MAP3K6: variants seen among roughly 807,000 people sequenced by gnomAD.
The protein encoded by MAP3K6 is mitogen-activated protein kinase kinase kinase 6.
MAP3K6 carries 105 observed loss-of-function variants against 147.1 expected under a neutral mutation model. The ratio of observed to expected loss-of-function variants is 0.71; its 90% CI spans 0.61 to 0.84. MAP3K6 has a LOEUF of 0.84. Ranked by LOEUF, MAP3K6 falls within the 40% of genes least tolerant of loss-of-function variation. The pLI is 0.00. For synonymous variants in MAP3K6, 695 were observed against 732.4 expected (o/e 0.95, Z 0.82); for missense variants, 1,569 against 1,715.0 (o/e 0.91, Z 1.50).
rs2015588819 is a variant in MAP3K6 at position 27,357,809 on chromosome 1, G to T, written c.2983C>A (p.His995Asn). ...PEESSGLSLL[H>N]QESKRRAMLA... Reference sequence around the variant, plus strand: ...ATGGCCCGACGCTTGCTCTCCTGGTGCAGCAGGCTCAGCCCCGAACTCTCC... The same window carrying T: ...ATGGCCCGACGCTTGCTCTCCTGGTTCAGCAGGCTCAGCCCCGAACTCTCC... Residue 995 changes from histidine to asparagine, a missense_variant, in exon 22 of 29, where the codon CAC (histidine) becomes AAC (asparagine). His to Asn is a moderately conservative substitution (Grantham distance 68, BLOSUM62 1). Transcript: ENST00000357582. 1.2e-6 allele frequency: 2 copies of T among 1,606,040 alleles called. No homozygotes were observed.
chr1:27,360,972 C>T lies in MAP3K6; in HGVS notation c.1869G>A (p.Pro623=), dbSNP rs773455044. The T allele has an allele frequency of 1.0e-5, 16 of 1,607,214 alleles. No homozygotes were observed. Among genetic ancestry groups the T allele is most frequent in the East Asian group, 9.0e-5 (4 of 44,682 alleles). Residue 623 remains proline, a synonymous_variant, in exon 14 of 29, where the codon CCG becomes CCA. Transcript: ENST00000357582. This position sits in a 1 kb window ranked among gnomAD's most constrained non-coding sequence, Gnocchi z 4.5. ...CCTCCTCCGCGGGCGCCGTGGAATC[C>T]GGGTTCGTCACCCAGGCCTGGATCA... ...CGLIQAWVTN[P]DSTAPAEEAE...
chr1:27,358,280 G>T lies in MAP3K6; in HGVS notation c.2816C>A (p.Thr939Asn), dbSNP rs1267158095. The change falls in exon 21 of 29, where the codon ACC becomes AAC. Residue 939 changes from threonine to asparagine, a missense_variant. Coordinates refer to ENST00000357582, the MANE Select transcript of MAP3K6 (RefSeq NM_004672.5). This position sits in a 1 kb window ranked among gnomAD's most constrained non-coding sequence, Gnocchi z 6.2. ...GCACGGGAATGTCTGAGACTGGGTG[G>T]TTGAGTTGGCTGAAGGAGTGGGACT... is the stretch of plus-strand genomic sequence containing the variant. ...SASPTPSANS[T>N]TQSQTFPCPQ... 1 of 1,607,712 alleles carries T rather than the reference G, an allele frequency of 6.2e-7. No homozygotes were observed. The highest frequency in any genetic ancestry group is 8.5e-7 in the Non-Finnish European group (1 of 1,178,402).
chr1:27,358,202 T>A lies in MAP3K6; in HGVS notation c.2894A>T (p.Tyr965Phe), dbSNP rs369121933. Residue 965 changes from tyrosine (Y) to phenylalanine (F), a missense_variant, in exon 21 of 29, where the codon TAT becomes TTT. By Grantham distance (22) the Tyr-to-Phe change is conservative. Transcript: ENST00000357582. The surrounding 1 kb of genome is among the most constrained non-coding windows in gnomAD (Gnocchi z 6.2). Reference sequence around the variant, plus strand: ...TCACCGGAGCTGGCTGGTGCCCCCATAACTGAGGCAGCGCTTCGGGGGGCT... The same window carrying A: ...TCACCGGAGCTGGCTGGTGCCCCCAAAACTGAGGCAGCGCTTCGGGGGGCT... ...PPSPPKRCLS[Y>F]GGTSQLRVPE... 1 of 1,593,266 alleles carries A rather than the reference T, an allele frequency of 6.3e-7. No homozygotes were observed. The highest frequency in any genetic ancestry group is 8.5e-7 in the Non-Finnish European group (1 of 1,174,170).
rs754013001 is a variant in MAP3K6 at position 27,362,642 on chromosome 1, T to C, written c.1254A>G (p.Ile418Met). 1.3e-6 allele frequency: 2 copies of C among 1,578,572 alleles called. No homozygotes were observed. Among genetic ancestry groups the C allele is most frequent in the Non-Finnish European group, 1.7e-6 (2 of 1,160,242 alleles). The stretch of plus-strand genomic sequence containing the variant: ...ACAAGAGCCAGGATCTGTGCTCACC[T>C]ATTAGCCGGAGCTCTTTGGAATCCT... ...HFEDSKELRL[I>M]GMKLGCLLAR... Residue 418 changes from isoleucine to methionine, a missense_variant and splice_region_variant, in exon 8 of 29, where the codon ATA becomes ATG. Coordinates refer to ENST00000357582, the MANE Select transcript of MAP3K6 (RefSeq NM_004672.5).
At chr1:27,357,602 G>A in intron 22 of MAP3K6, 26 bp from the exon 23 acceptor site, 1 of 1,598,230 alleles carries the variant, frequency 6.3e-7, no homozygotes, top group South Asian at 1.1e-5. Flanking sequence ...GGGGTTGTCA[G>A]CGAGTGCTCC....
Position 27,362,243 on chromosome 1 carries a change from C to A in MAP3K6, c.1263G>T (p.Lys421Asn). The stretch of plus-strand genomic sequence containing the variant: ...CTTTGCGGGCCAGCAGGCAGCCCAG[C>A]TTCATGCCTGGGGGAGAGAGGCATG... ...DSKELRLIGMKLGCLLARKGC... is the reference protein window; with the variant it reads ...DSKELRLIGMNLGCLLARKGC... The change falls in exon 9 of 29, where the codon AAG becomes AAT. Residue 421 changes from lysine to asparagine, a missense_variant. By Grantham distance (94) the Lys-to-Asn change is moderately conservative. Coordinates refer to ENST00000357582, the MANE Select transcript of MAP3K6 (RefSeq NM_004672.5). 1 of 1,610,148 alleles carries A rather than the reference C, an allele frequency of 6.2e-7. No individual in the cohort carries two copies. Among genetic ancestry groups the A allele is most frequent in the Non-Finnish European group, 8.5e-7 (1 of 1,178,112 alleles).
chr1:27,364,561 G>T lies in MAP3K6; in HGVS notation c.504+100C>A, dbSNP rs1024115187. On this transcript the variant is annotated intron_variant, in intron 3 of 28. Transcript: ENST00000357582. This position sits in a 1 kb window ranked among gnomAD's most constrained non-coding sequence, Gnocchi z 4.4. The stretch of plus-strand genomic sequence containing the variant: ...ACAGAGGAATACTTGGGATGTCAGT[G>T]GGGGGTTAGGTGACTGAGGAGGCCA... 10 of 1,572,262 alleles carry T rather than the reference G, an allele frequency of 6.4e-6. No homozygotes were observed. Among genetic ancestry groups the T allele is most frequent in the South Asian group, 3.3e-5 (3 of 90,096 alleles).
rs1354943432 is a variant in MAP3K6, at chr1:27,360,894, C to T, written c.1920+27G>A. 3 of 1,608,086 alleles carry T rather than the reference C, an allele frequency of 1.9e-6. No individual in the cohort carries two copies. Among genetic ancestry groups the T allele is most frequent in the Non-Finnish European group, 2.5e-6 (3 of 1,176,776 alleles). On this transcript the variant is annotated intron_variant, in intron 14 of 28. Transcript: ENST00000357582. The surrounding 1 kb of genome is among the most constrained non-coding windows in gnomAD (Gnocchi z 4.5). Reference sequence around the variant, plus strand: ...GCAGGGCCCGCGGCCCCTCGCCCTCCGCGAGCTCCCAGTCCCGCGTCCTCA... The same window carrying T: ...GCAGGGCCCGCGGCCCCTCGCCCTCTGCGAGCTCCCAGTCCCGCGTCCTCA...
chr1:27,357,852 C>A lies in MAP3K6; in HGVS notation c.2940G>T (p.Glu980Asp). The change falls in exon 22 of 29, where the codon GAG becomes GAT. Residue 980 changes from glutamate (E) to aspartate (D), a missense_variant. Transcript: ENST00000357582. ...QLRVPEEPAA[E>D]EPASPEESSG... ...AACTCTCCTCCGGAGACGCAGGCTCCTCGGCCGCAGGCTCCTCGGGCACCC... is the reference window on the plus strand; with the variant it reads ...AACTCTCCTCCGGAGACGCAGGCTCATCGGCCGCAGGCTCCTCGGGCACCC... The A allele has an allele frequency of 6.3e-7, 1 of 1,595,882 alleles. No individual in the cohort carries two copies. The highest frequency in any genetic ancestry group is 8.5e-7 in the Non-Finnish European group (1 of 1,175,164).
rs753509136 is a variant in MAP3K6 at position 27,364,661 on chromosome 1, C to T, written c.504G>A (p.Ser168=). The T allele has an allele frequency of 2.0e-5, 32 of 1,613,984 alleles. No homozygotes were observed. The highest frequency in any genetic ancestry group is 5.5e-5 in the South Asian group (5 of 91,080). ...ALREDVFQKN[S]DCVGSYTLIP... is the part of the protein sequence containing the mutation. Reference sequence around the variant, plus strand: ...TGAGTGAGAGGTGGATTCTGCTCACCGAGTTCTTCTGGAAAACATCCTCCT... The same window carrying T: ...TGAGTGAGAGGTGGATTCTGCTCACTGAGTTCTTCTGGAAAACATCCTCCT... The change falls in exon 3 of 29, where the codon TCG becomes TCA. Residue 168 remains serine, a splice_region_variant and synonymous_variant. Transcript: ENST00000357582. The surrounding 1 kb of genome is among the most constrained non-coding windows in gnomAD (Gnocchi z 4.4).
At chr1:27,363,129 G>T in intron 6 of MAP3K6, 108 bp from the exon 7 acceptor site, 1 of 1,006,178 alleles carries the variant, frequency 9.9e-7, no homozygotes. Flanking sequence ...TGACAATAAT[G>T]ACCTCAAAAT....
In MAP3K6 at chr1:27,366,082, C is replaced by CTA. The variant is rs2148062967; in HGVS notation, c.340+175_340+176insTA. On this transcript the variant is annotated intron_variant, in intron 1 of 28. Transcript: ENST00000357582. The surrounding 1 kb of genome is among the most constrained non-coding windows in gnomAD (Gnocchi z 5.5). ...TCCCGAGCCCGGCCGCGCCCCAGAT[C>CTA]CCCTAAATCCCACTTTTTTCACGGC... Among the ~76,000 whole-genome samples, 2 of 152,218 alleles carry CTA rather than the reference C, an allele frequency of 1.3e-5. No individual in the cohort carries two copies. The highest frequency in any genetic ancestry group is 4.2e-4 in the South Asian group (2 of 4,816).
In MAP3K6 at chr1:27,362,142, G is replaced by A. The variant is rs1138294; in HGVS notation, c.1364C>T (p.Thr455Ile). 568,714 of 1,613,278 alleles carry A rather than the reference G, an allele frequency of 0.35. 104,565 individuals are homozygous for A. The highest frequency in any genetic ancestry group is 0.5 in the East Asian group (22,426 of 44,870). Residue 455 changes from threonine to isoleucine, a missense_variant, in exon 9 of 29, where the codon ACC (threonine) becomes ATC (isoleucine). Coordinates refer to ENST00000357582, the MANE Select transcript of MAP3K6 (RefSeq NM_004672.5). The part of the protein sequence containing the change: ...LGAQILANDP[T>I]QVVLAAEQLY... ...CTGCTCTGCAGCCAGCACCACCTGG[G>A]TGGGGTCATTGGCGAGGATCTGGGC... is the stretch of plus-strand genomic sequence containing the variant.
chr1:27,358,659 C>T lies in MAP3K6; in HGVS notation c.2584-48G>A, dbSNP rs747917541. The T allele has an allele frequency of 1.9e-6, 3 of 1,613,554 alleles. No homozygotes were observed. In the East Asian group the frequency reaches 6.7e-5, roughly 36 times the overall value. On this transcript the variant is annotated intron_variant, in intron 19 of 28. Coordinates refer to ENST00000357582, the MANE Select transcript of MAP3K6 (RefSeq NM_004672.5). The surrounding 1 kb of genome is among the most constrained non-coding windows in gnomAD (Gnocchi z 6.2). The stretch of plus-strand genomic sequence containing the variant: ...GGTGACATTCAGAGGTGTCCAAGGC[C>T]CAGGCTGGCCCTATGCCACTTCCAT...
chr1:27,356,440 T>C lies in MAP3K6; in HGVS notation c.3585A>G (p.Leu1195=). 1.9e-6 allele frequency: 3 copies of C among 1,613,836 alleles called. No individual in the cohort carries two copies. The highest frequency in any genetic ancestry group is 2.5e-6 in the Non-Finnish European group (3 of 1,179,968). ...REYQALVQRA[L]QRLNEEARTY... ...TCCGGGCTTCCTCATTCAGCCGCTG[T>C]AGAGCCCGCTGCACCAGGGCCTGGT... Residue 1195 remains leucine, a synonymous_variant, in exon 26 of 29, where the codon CTA becomes CTG. Coordinates refer to ENST00000357582, the MANE Select transcript of MAP3K6 (RefSeq NM_004672.5).
At position 27,359,942 on chromosome 1, in the gene MAP3K6, C is replaced by T. The variant is rs1487607848; in HGVS notation, c.2235G>A (p.Glu745=). ...GGCGGGTGTAGAAACTGATGGTGCT[C>T]TCGTTGTCCTTCAGGGGTCCCCACA... ...RSVWGPLKDN[E]STISFYTRQI... Residue 745 remains glutamate, a synonymous_variant, in exon 17 of 29, where the codon GAG becomes GAA. Transcript: ENST00000357582. This position sits in a 1 kb window ranked among gnomAD's most constrained non-coding sequence, Gnocchi z 4.4. 6.8e-6 allele frequency: 11 copies of T among 1,613,990 alleles called. No homozygotes were observed. The highest frequency in any genetic ancestry group is 2.2e-5 in the East Asian group (1 of 44,886).
rs771331781 is a variant in MAP3K6 at position 27,363,452 on chromosome 1, C to T, written c.961G>A (p.Ala321Thr). The T allele has an allele frequency of 2.5e-6, 4 of 1,612,686 alleles. No individual in the cohort carries two copies. In the African/African-American group the frequency reaches 4.0e-5, roughly 16 times the overall value. Reference protein sequence around the residue: ...QHNVCFHYTFALNRRNRPGDR... With the variant: ...QHNVCFHYTFTLNRRNRPGDR... ...TGCTCTGCCACTCACCGGTTGAGGG[C>T]AAAAGTGTAGTGGAAGCAGACATTA... The change falls in exon 6 of 29, where the codon GCC (alanine) becomes ACC (threonine). Residue 321 changes from alanine to threonine, a missense_variant. Physicochemically the swap from Ala to Thr is moderately conservative, Grantham distance 58. Coordinates refer to ENST00000357582, the MANE Select transcript of MAP3K6 (RefSeq NM_004672.5).
chr1:27,361,739 A>T lies in MAP3K6; in HGVS notation c.1544T>A (p.Phe515Tyr), dbSNP rs1316727926. 6.2e-7 allele frequency: 1 copy of T among 1,613,298 alleles called. No homozygotes were observed. Among genetic ancestry groups the T allele is most frequent in the African/African-American group, 1.3e-5 (1 of 74,914 alleles). Residue 515 changes from phenylalanine to tyrosine, a missense_variant, in exon 10 of 29, where the codon TTC becomes TAC. Phe to Tyr is a conservative substitution (Grantham distance 22). Transcript: ENST00000357582. ...GTCGCCCTGGGCACAGGCTGTCTTG[A>T]ATGGTTGGCAGGACTGTAGCAAGAA... ...LHFLLQSCQP[F>Y]KTACAQGDQC...
At chr1:27,356,781 C>G (rs1046317701) in intron 24 of MAP3K6, 32 bp from the exon 25 acceptor site, 4 of 1,528,938 alleles carry the variant, frequency 2.6e-6, no homozygotes, top group Non-Finnish European at 2.6e-6. Context: ...TCAGGCAAGG[C>G]TACAACGCCC....
Sources: allele counts gnomAD v4.1 joint callset (sites outside exome capture counted in the v4.1 genomes callset), GRCh38; gene constraint gnomAD v4.1.1; non-coding constraint Gnocchi (gnomAD v3.1); transcripts MANE v1.5; gene names NCBI Gene and HGNC (gene_info 2026-07-23, HGNC 2026-07-21).